The following LPP variants were observed in gnomAD, a reference collection of about 807,000 sequenced individuals.
LPP encodes LIM domain containing preferred translocation partner in lipoma.
A neutral mutation model predicts 60.4 loss-of-function variants in LPP; 38 were observed. The ratio of observed to expected loss-of-function variants is 0.63; its 90% CI spans 0.49 to 0.83. The LOEUF is 0.83. Ranked by LOEUF, LPP falls within the 40% of genes least tolerant of loss-of-function variation. LPP has a pLI of 0.00. For missense variants in LPP, 902 were observed against 783.6 expected, an observed-to-expected ratio of 1.15 and a Z score of -1.80; for synonymous variants, 328 against 290.8, an observed-to-expected ratio of 1.13 and a Z score of -1.30.
chr3:188,721,477 A>C (rs1716361436), intron 8 of LPP, among the ~76,000 whole-genome samples: 1 of 152,144 alleles, frequency 6.6e-6, no homozygotes, highest in Non-Finnish European at 1.5e-5. Context: ...TCACTTAAGC[A>C]CTGGAGGTCA....
intron 3 of LPP, among the ~76,000 whole-genome samples, chr3:188,376,833 G>A (rs576235787): frequency 6.6e-6 from 1 of 152,196 alleles, no homozygotes; most frequent in Non-Finnish European, 1.5e-5. Context: ...TGTTTTTGCA[G>A]TGGCTGGTAC....
At chr3:188,204,459 G>A (rs1732593443) in intron 1 of LPP, among the ~76,000 whole-genome samples, 1 of 152,122 alleles carries the variant, frequency 6.6e-6, no homozygotes, top group Non-Finnish European at 1.5e-5. Context: ...GTAGCGGGGG[G>A]TGATTCTCAA....
chr3:188,606,766 C>T (rs1842455343), intron 6 of LPP, among the ~76,000 whole-genome samples: 1 of 152,076 alleles, frequency 6.6e-6, no homozygotes, highest in African/African-American at 2.4e-5. Flanking sequence ...TCAGATTTTT[C>T]TCGTCAATAA....
chr3:188,851,882 G>A (rs1762753178), intron 9 of LPP, among the ~76,000 whole-genome samples: 1 of 152,162 alleles, frequency 6.6e-6, no homozygotes, highest in Admixed American at 6.5e-5. Flanking sequence ...AGCATCTTGG[G>A]CCAGGCGTGG....
chr3:188,339,862 T>G (rs796324975), intron 2 of LPP, among the ~76,000 whole-genome samples: 2 of 152,224 alleles, frequency 1.3e-5, no homozygotes, highest in African/African-American at 4.8e-5. Flanking sequence ...CTTGAAACTT[T>G]CCTGGTGAGA....
intron 8 of LPP, among the ~76,000 whole-genome samples, chr3:188,718,979 C>A (rs1464291265): frequency 2.0e-5 from 3 of 152,088 alleles, no homozygotes; most frequent in Non-Finnish European, 4.4e-5. Context: ...CAGATTTTCT[C>A]ATTCCTTTTT....
At chr3:188,598,016 T>C (rs1840321410) in intron 6 of LPP, among the ~76,000 whole-genome samples, 1 of 152,126 alleles carries the variant, frequency 6.6e-6, no homozygotes. Flanking sequence ...TTGTCTAATT[T>C]TGGAGGTTCC....
At chr3:188,843,786 C>CAAGAAAAAAAAAAAAAAAAAAAAA (rs1760737973) in intron 9 of LPP, among the ~76,000 whole-genome samples, 1 of 75,734 alleles carries the variant, frequency 1.3e-5, no homozygotes, top group Non-Finnish European at 2.6e-5. Context: ...GACTCCGTCT[C>CAAGAAAAAAAAAAAAAAAAAAAAA]AAAAAAAAAA....
rs190692459 is a variant in LPP, at chr3:188,828,574, C to T, written c.1411-37626C>T. ...AGGTTTCAGAGAGCAGAGATCACGC[C>T]ATTGCACTCTAGCCTGGCAACAAGA... On this transcript the variant is annotated intron_variant, in intron 9 of 11. Coordinates refer to ENST00000617246, the MANE Select transcript of LPP (RefSeq NM_001375462.1). Among the ~76,000 whole-genome samples, 50 of 131,698 alleles carry T rather than the reference C, an allele frequency of 3.8e-4. No homozygotes were observed. In the East Asian group the frequency reaches 0.011, roughly 30 times the overall value. The allele number at this position is 131,698 out of a possible 152,430, so 86.4% of individuals were successfully genotyped here. A position where few individuals can be genotyped will look rare whatever the true frequency, so the allele number is the denominator to read the frequency against.
intron 7 of LPP, among the ~76,000 whole-genome samples, chr3:188,700,176 G>A (rs1477971713): frequency 6.6e-6 from 1 of 152,138 alleles, no homozygotes; most frequent in African/African-American, 2.4e-5. Context: ...TCATTATCAT[G>A]TAATCTTTTT....
intron 4 of LPP, among the ~76,000 whole-genome samples, chr3:188,462,544 TTATA>T (rs71167102): frequency 0.024 from 811 of 34,062 alleles, 13 homozygotes; most frequent in Non-Finnish European, 0.035. Flanking sequence ...TATATGAGCT[TTATA>T]TATATATATA....
At chr3:188,871,835 A>T (rs1392323483) in intron 10 of LPP, among the ~76,000 whole-genome samples, 2 of 152,198 alleles carry the variant, frequency 1.3e-5, no homozygotes, top group Non-Finnish European at 2.9e-5. Context: ...GGTACCATTG[A>T]TCATATTGAG....
chr3:188,806,745 C>T (rs1252316069), intron 9 of LPP, among the ~76,000 whole-genome samples: 1 of 151,818 alleles, frequency 6.6e-6, no homozygotes, highest in Admixed American at 6.6e-5. Flanking sequence ...CTTTAATTAA[C>T]TAGAGTTTAC....
intron 9 of LPP, among the ~76,000 whole-genome samples, chr3:188,769,931 C>T (rs1426579298): frequency 6.6e-6 from 1 of 152,092 alleles, no homozygotes; most frequent in Non-Finnish European, 1.5e-5. Context: ...TCCCACTGCC[C>T]TAGTTTGTTT....
chr3:188,307,864 G>A (rs948552596), intron 2 of LPP, among the ~76,000 whole-genome samples: 10 of 152,146 alleles, frequency 6.6e-5, no homozygotes, highest in Admixed American at 2.0e-4. Flanking sequence ...GTTTCTATAC[G>A]TATTGAATGG....
intron 8 of LPP, among the ~76,000 whole-genome samples, chr3:188,744,596 TAATGCCTACCTGATA>T (rs1725520957): frequency 6.6e-6 from 1 of 152,164 alleles, no homozygotes; most frequent in African/African-American, 2.4e-5. Context: ...TAGAAGAAGA[TAATGCCTACCTGATA>T]GGTGGCATAG....
rs1560364004 is a variant in LPP at position 188,407,771 on chromosome 3, TTTTTTTTTG to T, written c.193+1462_193+1470del. On this transcript the variant is annotated intron_variant, in intron 4 of 11. Coordinates refer to ENST00000617246, the MANE Select transcript of LPP (RefSeq NM_001375462.1). The stretch of plus-strand genomic sequence containing the variant: ...TATGTTGGCTTCCTCATTTATGGTT[TTTTTTTTTG>T]TTTGTTTGTTTTTTTTTTTTTTTTT... Among the ~76,000 whole-genome samples, 33 of 33,362 alleles carry T rather than the reference TTTTTTTTTG, an allele frequency of 9.9e-4. 1 individual carries two copies. The East Asian group carries it at 0.011, about 11-fold the overall frequency. The allele number at this position is 33,362 out of a possible 152,430, so 21.9% of individuals were successfully genotyped here.
chr3:188,474,620 C>T (rs774163670), intron 4 of LPP, among the ~76,000 whole-genome samples: 131 of 152,158 alleles, frequency 8.6e-4, no homozygotes, highest in Admixed American at 2.3e-3. Context: ...ACTATTCTGT[C>T]AGCACTCTGA....
intron 9 of LPP, among the ~76,000 whole-genome samples, chr3:188,808,455 T>C (rs1749847765): frequency 6.6e-6 from 1 of 152,104 alleles, no homozygotes; most frequent in Non-Finnish European, 1.5e-5. Context: ...AATCACTTCT[T>C]ATTCTTTTCC....
Sources: allele counts gnomAD v4.1 joint callset (sites outside exome capture counted in the v4.1 genomes callset), GRCh38; gene constraint gnomAD v4.1.1; transcripts MANE v1.5; gene names NCBI Gene and HGNC (gene_info 2026-07-23, HGNC 2026-07-21).